The following GRK5 variants were observed in gnomAD, a reference collection of about 807,000 sequenced individuals.
GRK5 encodes the protein G protein-coupled receptor kinase 5.
GRK5 carries 40 observed loss-of-function variants against 78.4 expected under a neutral mutation model. The observed-to-expected ratio is 0.51, with a 90% CI of 0.40 to 0.66. GRK5 has a LOEUF of 0.66. GRK5 is among the 30% of genes least tolerant of loss of function. GRK5 has a pLI of 0.00. For synonymous variants in GRK5, 289 were observed against 296.8 expected, an observed-to-expected ratio of 0.97 and a Z score of 0.27; for missense variants, 598 against 759.9, an observed-to-expected ratio of 0.79 and a Z score of 2.50.
intron 1 of GRK5, among the ~76,000 whole-genome samples, chr10:119,239,054 A>G (rs1397288838): frequency 6.6e-6 from 1 of 152,106 alleles, no homozygotes; most frequent in Non-Finnish European, 1.5e-5. Context: ...TCCTTGCTGG[A>G]AAGAGAGAAA....
At chr10:119,256,979 A>G (rs1849296703) in intron 1 of GRK5, among the ~76,000 whole-genome samples, 1 of 152,244 alleles carries the variant, frequency 6.6e-6, no homozygotes, top group African/African-American at 2.4e-5. Context: ...ATGAAATAAT[A>G]CAATATGTGG....
intron 1 of GRK5, among the ~76,000 whole-genome samples, chr10:119,325,635 C>T (rs1413754956): frequency 6.6e-6 from 1 of 152,176 alleles, no homozygotes; most frequent in Admixed American, 6.5e-5. Flanking sequence ...GCCCTCTGGC[C>T]ACATGGCACA....
chr10:119,283,505 G>A (rs1197716672), intron 1 of GRK5, among the ~76,000 whole-genome samples: 1 of 152,218 alleles, frequency 6.6e-6, no homozygotes, highest in African/African-American at 2.4e-5. Flanking sequence ...CGTTCCTGAG[G>A]CCTTGAGTTC....
At chr10:119,393,537 T>C (rs957341663) in intron 3 of GRK5, among the ~76,000 whole-genome samples, 2 of 152,232 alleles carry the variant, frequency 1.3e-5, no homozygotes, top group Non-Finnish European at 2.9e-5. Flanking sequence ...TTACCCCAAA[T>C]GATGGCCGGC....
intron 1 of GRK5, among the ~76,000 whole-genome samples, chr10:119,251,905 C>G (rs1319600330): frequency 6.6e-6 from 1 of 152,226 alleles, no homozygotes; most frequent in African/African-American, 2.4e-5. Flanking sequence ...CTAGAATTTG[C>G]AAGCTGCTTC....
chr10:119,278,034 G>A (rs2133684897), intron 1 of GRK5, among the ~76,000 whole-genome samples: 1 of 152,370 alleles, frequency 6.6e-6, no homozygotes, highest in East Asian at 1.9e-4. Flanking sequence ...TATGGACAGA[G>A]ATTTCCTTTT....
At chr10:119,251,591 C>T (rs1359779871) in intron 1 of GRK5, among the ~76,000 whole-genome samples, 3 of 152,212 alleles carry the variant, frequency 2.0e-5, no homozygotes, top group Non-Finnish European at 4.4e-5. Flanking sequence ...CATACTCCCA[C>T]GTTATTTTCT....
chr10:119,342,446 G>A (rs1188290459), intron 2 of GRK5, among the ~76,000 whole-genome samples: 2 of 152,216 alleles, frequency 1.3e-5, no homozygotes, highest in Non-Finnish European at 2.9e-5. Context: ...TCTGCAAAAT[G>A]GGAACTGGAG....
At position 119,393,857 on chromosome 10, in the gene GRK5, A is replaced by G. The variant is rs958505272; in HGVS notation, c.262-2838A>G. ...GGTGAGCCTGGAATCAGCACTCCAT[A>G]TGGGGTGTGTGTCTGTGTGTGGGTG... On this transcript the variant is annotated intron_variant, in intron 3 of 15. Coordinates refer to ENST00000392870, the MANE Select transcript of GRK5 (RefSeq NM_005308.3). Among the ~76,000 whole-genome samples the G allele has an allele frequency of 3.9e-5, 6 of 151,962 alleles. No homozygotes were observed. In the South Asian group the frequency reaches 6.2e-4, roughly 16 times the overall value.
chr10:119,416,575 C>T (rs1249202035), intron 4 of GRK5, among the ~76,000 whole-genome samples: 2 of 61,726 alleles, frequency 3.2e-5, no homozygotes, highest in African/African-American at 9.9e-5. Context: ...TCGAATTGAT[C>T]GCTCTCTCTC....
At chr10:119,376,235 G>A (rs140657437) in intron 2 of GRK5, among the ~76,000 whole-genome samples, 162 of 152,218 alleles carry the variant, frequency 1.1e-3, no homozygotes, top group African/African-American at 3.3e-3. Context: ...CCCTTTCCCA[G>A]TCACCTTCCT....
At chr10:119,227,056 G>A (rs1488390471) in intron 1 of GRK5, among the ~76,000 whole-genome samples, 1 of 152,088 alleles carries the variant, frequency 6.6e-6, no homozygotes, top group Admixed American at 6.6e-5. Flanking sequence ...ACGTTTCACT[G>A]TGTTGGCTAG....
At chr10:119,353,020 AT>A (rs1851210279) in intron 2 of GRK5, among the ~76,000 whole-genome samples, 2 of 152,226 alleles carry the variant, frequency 1.3e-5, no homozygotes, top group Admixed American at 1.3e-4. Flanking sequence ...TGCCAGAAAT[AT>A]CAAAAGTTTG....
At chr10:119,405,670 C>T (rs914404655) in intron 4 of GRK5, among the ~76,000 whole-genome samples, 1 of 151,474 alleles carries the variant, frequency 6.6e-6, no homozygotes, top group African/African-American at 2.4e-5. Context: ...GTCCCCAGGA[C>T]CTCATGCAAC....
intron 1 of GRK5, among the ~76,000 whole-genome samples, chr10:119,319,616 G>T (rs1850550154): frequency 2.0e-5 from 3 of 152,246 alleles, no homozygotes; most frequent in African/African-American, 7.2e-5. Context: ...ACTCATTACG[G>T]GTACCTGGAA....
At chr10:119,222,035 G>A (rs1438278725) in intron 1 of GRK5, among the ~76,000 whole-genome samples, 1 of 152,146 alleles carries the variant, frequency 6.6e-6, no homozygotes, top group African/African-American at 2.4e-5. Flanking sequence ...AGCTTCGTAA[G>A]GTGTCTTGGA....
At chr10:119,288,924 C>T (rs1439698451) in intron 1 of GRK5, among the ~76,000 whole-genome samples, 1 of 152,210 alleles carries the variant, frequency 6.6e-6, no homozygotes, top group Non-Finnish European at 1.5e-5. Context: ...GGCTTTCCAA[C>T]CCCCAACAGC....
chr10:119,436,892 C>T, intron 9 of GRK5, 51 bp downstream of exon 9: 4 of 1,504,114 alleles, frequency 2.7e-6, no homozygotes, highest in Non-Finnish European at 3.6e-6. Flanking sequence ...GGGGGTGGGG[C>T]CAGCCCCTCC....
chr10:119,364,872 C>T (rs937374963), intron 2 of GRK5, among the ~76,000 whole-genome samples: 1 of 152,190 alleles, frequency 6.6e-6, no homozygotes. Flanking sequence ...TTTAAAACAG[C>T]TGTTATGGGT....
Sources: gnomAD v4.1 joint callset for allele counts (sites outside exome capture counted in the v4.1 genomes callset) on GRCh38, gnomAD v4.1.1 for gene constraint, MANE v1.5 for transcripts, NCBI Gene and HGNC (gene_info 2026-07-23, HGNC 2026-07-21) for gene names.